TSC22D4: variants seen among roughly 807,000 people sequenced by gnomAD.
TSC22D4 encodes TSC22 domain family member 4.
A neutral mutation model predicts 24.9 loss-of-function variants in TSC22D4; 5 were observed. That is an observed-to-expected ratio of 0.20 (90% CI 0.10 to 0.42). The LOEUF (loss-of-function observed/expected upper bound fraction) is 0.42. Ranked by LOEUF, TSC22D4 falls within the 10% of genes least tolerant of loss-of-function variation. The pLI is 1.00. For synonymous variants in TSC22D4, 245 were observed against 243.2 expected (o/e 1.01, Z -0.07); for missense variants, 469 against 547.9 (o/e 0.86, Z 1.44).
intron 3 of TSC22D4, chr7:100,468,128 GGCT>G: frequency 3.0e-6 from 1 of 337,556 alleles, no homozygotes; most frequent in South Asian, 2.3e-5. Context: ...GGCAAGGCCT[GGCT>G]GCTATTGGCT....
At chr7:100,476,854 G>A (rs778999568) in intron 2 of TSC22D4, among the ~76,000 whole-genome samples, 4 of 152,130 alleles carry the variant, frequency 2.6e-5, no homozygotes, top group Non-Finnish European at 4.4e-5. Context: ...GACTGGCAGC[G>A]CGCAAGGCCT....
chr7:100,469,449 C>T (rs1799353795), intron 3 of TSC22D4, among the ~76,000 whole-genome samples: 1 of 152,072 alleles, frequency 6.6e-6, no homozygotes, highest in African/African-American at 2.4e-5. Context: ...TCAACAGCCC[C>T]CAGGGCCGGG....
intron 1 of TSC22D4, among the ~76,000 whole-genome samples, 152 bp downstream of exon 1, chr7:100,478,642 A>G (rs1468831489): frequency 6.6e-6 from 1 of 152,100 alleles, no homozygotes; most frequent in African/African-American, 2.4e-5. Context: ...AGGGCCTGGG[A>G]GAACCAGGCT....
At position 100,474,556 on chromosome 7, in the gene TSC22D4, C is replaced by G; in HGVS notation, c.763-116G>C. The G allele has an allele frequency of 8.0e-7, 1 of 1,243,248 alleles. No individual in the cohort carries two copies. The highest frequency in any genetic ancestry group is 1.1e-6 in the Non-Finnish European group (1 of 894,878). The allele number at this position is 1,243,248 out of a possible 1,614,324, so 77.0% of individuals were successfully genotyped here. A position where few individuals can be genotyped will look rare whatever the true frequency, so the allele number is the denominator to read the frequency against. On this transcript the variant is annotated intron_variant, in intron 2 of 4. Transcript: ENST00000300181. The surrounding 1 kb of genome is among the most constrained non-coding windows in gnomAD (Gnocchi z 4.3). ...CCACCTCCCCACTCTCTTTCGAGGA[C>G]CCAGGAGTCCTGTCCCCGCAGTCCT...
intron 2 of TSC22D4, among the ~76,000 whole-genome samples, chr7:100,476,507 C>T (rs1584352385): frequency 1.3e-5 from 2 of 152,208 alleles, no homozygotes; most frequent in African/African-American, 4.8e-5. Context: ...CATGGGGACC[C>T]AGGCATCCTG....
intron 2 of TSC22D4, among the ~76,000 whole-genome samples, chr7:100,476,551 C>A (rs921864266): frequency 6.6e-6 from 1 of 152,168 alleles, no homozygotes; most frequent in Non-Finnish European, 1.5e-5. Flanking sequence ...CTTTTGGAGA[C>A]AGGAAGGAGA....
intron 3 of TSC22D4, among the ~76,000 whole-genome samples, chr7:100,468,949 G>C (rs1024135950): frequency 3.3e-5 from 5 of 149,756 alleles, no homozygotes; most frequent in Non-Finnish European, 7.4e-5. Flanking sequence ...AAAAAAGCCA[G>C]GTGTGGTGGC....
In TSC22D4 at chr7:100,466,689, C is replaced by T. The variant is rs1415259459; in HGVS notation, c.*270G>A. 18 of 490,378 alleles carry T rather than the reference C, an allele frequency of 3.7e-5. No individual in the cohort carries two copies. Among genetic ancestry groups the T allele is most frequent in the East Asian group, 3.0e-4 (9 of 29,984 alleles). The allele number at this position is 490,378 out of a possible 1,614,324, so 30.4% of individuals were successfully genotyped here. On this transcript the variant is annotated 3_prime_UTR_variant, in exon 5 of 5. Transcript: ENST00000300181. ...CGGGGAGCCTCCGACTCCCCCAAGC[C>T]GTCTACTGCTGGGGGGTCCCAGGAG...
chr7:100,471,081 G>A (rs1482479165), intron 3 of TSC22D4, among the ~76,000 whole-genome samples: 4 of 152,144 alleles, frequency 2.6e-5, no homozygotes, highest in Non-Finnish European at 5.9e-5. Flanking sequence ...CTGGGATCTT[G>A]GGGACAGGGG....
intron 3 of TSC22D4, among the ~76,000 whole-genome samples, chr7:100,470,427 G>A (rs547671831): frequency 6.6e-6 from 1 of 152,260 alleles, no homozygotes; most frequent in East Asian, 1.9e-4. Context: ...GAGTAGCTGA[G>A]ATTACAGGCA....
chr7:100,472,503 T>C, intron 3 of TSC22D4, among the ~76,000 whole-genome samples: 1 of 104,042 alleles, frequency 9.6e-6, no homozygotes, highest in Non-Finnish European at 1.8e-5. Flanking sequence ...AGCAGGAGGC[T>C]GGGCTGTGAA....
At chr7:100,472,753 C>A (rs1799417749) in intron 3 of TSC22D4, among the ~76,000 whole-genome samples, 1 of 151,804 alleles carries the variant, frequency 6.6e-6, no homozygotes, top group Non-Finnish European at 1.5e-5. Flanking sequence ...TCCGTCCCAC[C>A]AGCTCCTGGC....
Position 100,477,863 on chromosome 7 carries a change from C to T in TSC22D4, c.176G>A (p.Arg59Gln), listed in dbSNP as rs745665604. Reference sequence around the variant, plus strand: ...GGCCCCAGGTGGTGGGGAGCCATTCCGGGGGGTGCCCTTGCCCCCCGGATC... The same window carrying T: ...GGCCCCAGGTGGTGGGGAGCCATTCTGGGGGGTGCCCTTGCCCCCCGGATC... The part of the protein sequence containing the change: ...SPDPGGKGTP[R>Q]NGSPPPGAPS... Residue 59 changes from arginine (R) to glutamine (Q), a missense_variant, in exon 2 of 5, where the codon CGG becomes CAG. Physicochemically the swap from Arg to Gln is conservative, Grantham distance 43. Transcript: ENST00000300181. This position sits in a 1 kb window ranked among gnomAD's most constrained non-coding sequence, Gnocchi z 7.8. 16 of 1,574,272 alleles carry T rather than the reference C, an allele frequency of 1.0e-5. No homozygotes were observed. The highest frequency in any genetic ancestry group is 2.3e-5 in the South Asian group (2 of 88,364).
intron 2 of TSC22D4, among the ~76,000 whole-genome samples, chr7:100,475,410 G>A (rs867196069): frequency 1.1e-4 from 16 of 152,172 alleles, no homozygotes; most frequent in Admixed American, 6.5e-5. Context: ...TGACTCCAAT[G>A]TCACCTCTTA....
At chr7:100,468,418 C>T (rs1222612604) in intron 3 of TSC22D4, among the ~76,000 whole-genome samples, 1 of 152,146 alleles carries the variant, frequency 6.6e-6, no homozygotes, top group Non-Finnish European at 1.5e-5. Flanking sequence ...CTCCGTCACT[C>T]AAGGCCTTGG....
rs192378539 is a variant in TSC22D4, at chr7:100,477,416, C to G, written c.623G>C (p.Arg208Pro). 2 of 1,593,000 alleles carry G rather than the reference C, an allele frequency of 1.3e-6. No homozygotes were observed. The highest frequency in any genetic ancestry group is 1.3e-5 in the African/African-American group (1 of 74,318). The part of the protein sequence containing the change: ...PETGESAGTS[R>P]AATPLPSLRV... ...CAGAGAGGGCAGGGGCGTGGCAGCC[C>G]GGGATGTGCCCGCACTCTCACCGGT... Residue 208 changes from arginine (R) to proline (P), a missense_variant, in exon 2 of 5, where the codon CGG becomes CCG. By Grantham distance (103) the Arg-to-Pro change is moderately radical. Transcript: ENST00000300181. This position sits in a 1 kb window ranked among gnomAD's most constrained non-coding sequence, Gnocchi z 7.8.
chr7:100,477,145 A>G lies in TSC22D4; in HGVS notation c.762+132T>C. ...GGGGCTTCAGAGTGACCTGGCAGGC[A>G]CAGAGAAGAGGGCTATCTGATCTTA... On this transcript the variant is annotated intron_variant, in intron 2 of 4. Transcript: ENST00000300181. This position sits in a 1 kb window ranked among gnomAD's most constrained non-coding sequence, Gnocchi z 7.8. 1 of 766,356 alleles carries G rather than the reference A, an allele frequency of 1.3e-6. No homozygotes were observed. The highest frequency in any genetic ancestry group is 1.9e-6 in the Non-Finnish European group (1 of 520,464). 47.5% of individuals were successfully genotyped at this position (766,356 alleles called of 1,614,324 possible).
rs1799293590 is a variant in TSC22D4 at position 100,467,093 on chromosome 7, C to T, written c.1054G>A (p.Ala352Thr). The T allele has an allele frequency of 6.2e-7, 1 of 1,614,148 alleles. No homozygotes were observed. The highest frequency in any genetic ancestry group is 8.5e-7 in the Non-Finnish European group (1 of 1,180,022). Residue 352 changes from alanine (A) to threonine (T), a missense_variant, in exon 5 of 5, where the codon GCG becomes ACG. Physicochemically the swap from Ala to Thr is moderately conservative, Grantham distance 58. Coordinates refer to ENST00000300181, the MANE Select transcript of TSC22D4 (RefSeq NM_030935.5). ...EVLKEQIREL[A>T]ERNAALEQEN... Reference sequence around the variant, plus strand: ...TGCTCCAGCGCAGCGTTCCGCTCCGCCAATTCCCGGATCTGCTCCTTCAGC... The same window carrying T: ...TGCTCCAGCGCAGCGTTCCGCTCCGTCAATTCCCGGATCTGCTCCTTCAGC...
chr7:100,478,739 T>G (rs889262327), intron 1 of TSC22D4, 55 bp downstream of exon 1: 1 of 152,410 alleles, frequency 6.6e-6, no homozygotes, highest in African/African-American at 2.4e-5. Context: ...CCCACATCTC[T>G]GGGGCAGGCC....
Sources: gnomAD v4.1 joint callset for allele counts (sites outside exome capture counted in the v4.1 genomes callset) on GRCh38, gnomAD v4.1.1 for gene constraint, Gnocchi (gnomAD v3.1) non-coding constraint, MANE v1.5 for transcripts, NCBI Gene and HGNC (gene_info 2026-07-23, HGNC 2026-07-21) for gene names.